EXOC5: variants seen among roughly 807,000 people sequenced by gnomAD.
EXOC5 encodes exocyst complex component 5, also known as SEC10-like 1.
EXOC5 carries 17 observed loss-of-function variants against 90.8 expected under a neutral mutation model. The observed-to-expected ratio is 0.19, with a 90% CI of 0.13 to 0.28. The LOEUF (loss-of-function observed/expected upper bound fraction) is 0.28. EXOC5 is among the 10% of genes least tolerant of loss of function. The pLI, the probability that EXOC5 is intolerant of heterozygous loss-of-function variation, is 1.00. For missense variants in EXOC5, 569 were observed against 830.6 expected (o/e 0.69, Z 3.87); for synonymous variants, 260 against 270.0 (o/e 0.96, Z 0.36).
At chr14:57,223,542 C>A (rs998635403) in intron 12 of EXOC5, among the ~76,000 whole-genome samples, 4 of 152,106 alleles carry the variant, frequency 2.6e-5, no homozygotes. Context: ...AGTCTCTCTA[C>A]TCCAATATTC....
chr14:57,221,837 G>A (rs1883149545), intron 13 of EXOC5, among the ~76,000 whole-genome samples: 1 of 152,134 alleles, frequency 6.6e-6, no homozygotes, highest in Non-Finnish European at 1.5e-5. Flanking sequence ...GTAGACAACT[G>A]AATTAATGAG....
intron 12 of EXOC5, among the ~76,000 whole-genome samples, chr14:57,224,948 G>C (rs189340874): frequency 6.6e-6 from 1 of 152,114 alleles, no homozygotes; most frequent in East Asian, 1.9e-4. Context: ...TGTAGTCCCA[G>C]CTACTTGGGA....
chr14:57,227,935 CATAT>C (rs764433315), intron 12 of EXOC5, among the ~76,000 whole-genome samples: 2 of 123,534 alleles, frequency 1.6e-5, no homozygotes, highest in Admixed American at 7.0e-5. Context: ...AGTTTACATA[CATAT>C]ATATATACAC....
intron 7 of EXOC5, among the ~76,000 whole-genome samples, chr14:57,235,455 TA>T (rs1364745987): frequency 6.6e-6 from 1 of 152,038 alleles, no homozygotes; most frequent in African/African-American, 2.4e-5. Context: ...TATCAAAGTA[TA>T]AAAATTCATC....
chr14:57,236,608 T>G (rs1883668138), intron 6 of EXOC5, among the ~76,000 whole-genome samples: 1 of 152,168 alleles, frequency 6.6e-6, no homozygotes, highest in Non-Finnish European at 1.5e-5. Flanking sequence ...TTCTTGAGGC[T>G]AGTATGGTTC....
chr14:57,210,123 T>G (rs1004145320), intron 15 of EXOC5, 62 bp from the exon 16 acceptor site: 2 of 696,762 alleles, frequency 2.9e-6, no homozygotes, highest in Non-Finnish European at 5.0e-6. Flanking sequence ...TTATGTTTAA[T>G]TATATTATTT....
chr14:57,251,839 G>C (rs1158276769), intron 1 of EXOC5, among the ~76,000 whole-genome samples: 1 of 151,778 alleles, frequency 6.6e-6, no homozygotes, highest in South Asian at 2.1e-4. Flanking sequence ...AAAGGGAGAA[G>C]GCTCAAATTA....
intron 15 of EXOC5, among the ~76,000 whole-genome samples, chr14:57,212,455 C>G (rs1566724520): frequency 1.3e-5 from 2 of 152,226 alleles, no homozygotes. Flanking sequence ...AAGCTTTAGC[C>G]TATTACAGCA....
chr14:57,259,149 A>T (rs1884429008), intron 1 of EXOC5, among the ~76,000 whole-genome samples: 1 of 151,642 alleles, frequency 6.6e-6, no homozygotes, highest in Non-Finnish European at 1.5e-5. Flanking sequence ...TCACTCTGTC[A>T]CCCAGTCTGC....
At chr14:57,230,630 C>G (rs1432828465) in intron 11 of EXOC5, among the ~76,000 whole-genome samples, 1 of 152,152 alleles carries the variant, frequency 6.6e-6, no homozygotes, top group Non-Finnish European at 1.5e-5. Context: ...TTGAGTCCAC[C>G]AATGTCATTC....
At position 57,246,874 on chromosome 14, in the gene EXOC5, T is replaced by C; in HGVS notation, c.123-16A>G. On this transcript the variant is annotated splice_polypyrimidine_tract_variant and intron_variant, in intron 2 of 17. Transcript: ENST00000621441. ...TTCTAATAATCTAACAGAGGAAAGTTTGAATATGTATCAATCTACCTATTA... is the reference window on the plus strand; with the variant it reads ...TTCTAATAATCTAACAGAGGAAAGTCTGAATATGTATCAATCTACCTATTA... 1 of 1,476,494 alleles carries C rather than the reference T, an allele frequency of 6.8e-7. No individual in the cohort carries two copies. Among genetic ancestry groups the C allele is most frequent in the Non-Finnish European group, 9.3e-7 (1 of 1,069,750 alleles). The allele number at this position is 1,476,494 out of a possible 1,614,324, so 91.5% of individuals were successfully genotyped here. A position where few individuals can be genotyped will look rare whatever the true frequency, so the allele number is the denominator to read the frequency against.
chr14:57,265,638 T>C (rs941397250), intron 1 of EXOC5, among the ~76,000 whole-genome samples: 6 of 152,176 alleles, frequency 3.9e-5, no homozygotes, highest in Non-Finnish European at 8.8e-5. Flanking sequence ...GGTGGGCAGA[T>C]GGATTGTGCC....
intron 1 of EXOC5, among the ~76,000 whole-genome samples, chr14:57,266,943 C>A (rs1200623704): frequency 1.3e-5 from 2 of 151,928 alleles, no homozygotes; most frequent in Non-Finnish European, 2.9e-5. Flanking sequence ...CAAGGTACAA[C>A]TGGAACTGTC....
chr14:57,208,788 C>T lies in EXOC5; in HGVS notation c.1948G>A (p.Val650Ile), dbSNP rs1193046480. ...KCAKDFKIPM[V>I]LHLFDTLHAL... Reference sequence around the variant, plus strand: ...TGCAGAGTATCAAAAAGATGTAATACCATTGGAATCTGAATTGAGAGAAGA... The same window carrying T: ...TGCAGAGTATCAAAAAGATGTAATATCATTGGAATCTGAATTGAGAGAAGA... The change falls in exon 18 of 18, where the codon GTA becomes ATA. Residue 650 changes from valine (V) to isoleucine (I), a missense_variant. Val to Ile is a conservative substitution (Grantham distance 29). Around this residue, in one of 9 missense-constraint regions of EXOC5, gnomAD observed 122 missense variants for 180.0 expected, o/e 0.68. Coordinates refer to ENST00000621441, the MANE Select transcript of EXOC5 (RefSeq NM_006544.4). The T allele has an allele frequency of 5.7e-6, 9 of 1,572,492 alleles. No individual in the cohort carries two copies. Among genetic ancestry groups the T allele is most frequent in the South Asian group, 1.1e-5 (1 of 88,582 alleles).
At chr14:57,208,932 A>G in intron 17 of EXOC5, 135 bp from the exon 18 acceptor site, 1 of 551,612 alleles carries the variant, frequency 1.8e-6, no homozygotes, top group East Asian at 2.8e-5. Context: ...AATTTTTTAA[A>G]GATCACAATG....
At chr14:57,224,836 C>A (rs925463124) in intron 12 of EXOC5, among the ~76,000 whole-genome samples, 1 of 152,042 alleles carries the variant, frequency 6.6e-6, no homozygotes, top group African/African-American at 2.4e-5. Flanking sequence ...CCGAGGCGGG[C>A]GGATCACCTG....
chr14:57,262,633 A>T (rs1337494190), intron 1 of EXOC5, among the ~76,000 whole-genome samples: 1 of 147,236 alleles, frequency 6.8e-6, no homozygotes, highest in African/African-American at 2.5e-5. Flanking sequence ...ATATTTATAC[A>T]TTAAGTATAT....
intron 1 of EXOC5, among the ~76,000 whole-genome samples, chr14:57,262,591 CAT>C (rs1884538582): frequency 1.4e-5 from 2 of 143,634 alleles, no homozygotes; most frequent in African/African-American, 2.6e-5. Context: ...TATATATACA[CAT>C]ATATTAAGTA....
rs568688467 is a variant in EXOC5 at position 57,235,135 on chromosome 14, T to C, written c.669+576A>G. Among the ~76,000 whole-genome samples the C allele has an allele frequency of 5.3e-5, 8 of 152,182 alleles. No individual in the cohort carries two copies. In the South Asian group the frequency reaches 6.2e-4, roughly 12 times the overall value. On this transcript the variant is annotated intron_variant, in intron 7 of 17. Coordinates refer to ENST00000621441, the MANE Select transcript of EXOC5 (RefSeq NM_006544.4). ...AAAATGAAAAGTCCAACAAATAGCT[T>C]CCCCTTCCCTAATCTGATACAAATC... is the stretch of plus-strand genomic sequence containing the variant.
Sources: allele counts gnomAD v4.1 joint callset (sites outside exome capture counted in the v4.1 genomes callset), GRCh38; gene constraint gnomAD v4.1.1; regional missense constraint gnomAD v4.1.1; transcripts MANE v1.5; gene names NCBI Gene and HGNC (gene_info 2026-07-23, HGNC 2026-07-21).